The following DCC variants were observed in gnomAD, a reference collection of about 807,000 sequenced individuals.
DCC encodes netrin receptor DCC.
DCC carries 58 observed loss-of-function variants against 172.5 expected under a neutral mutation model. The ratio of observed to expected loss-of-function variants is 0.34; its 90% CI spans 0.27 to 0.42. The LOEUF is 0.42. Ranked by LOEUF, DCC falls within the 10% of genes least tolerant of loss-of-function variation. The pLI is 1.00. For synonymous variants in DCC, 709 were observed against 644.5 expected, an observed-to-expected ratio of 1.10 and a Z score of -1.52; for missense variants, 1,740 against 1,791.0, an observed-to-expected ratio of 0.97 and a Z score of 0.51.
intron 8 of DCC, among the ~76,000 whole-genome samples, chr18:53,171,202 C>A (rs1012456462): frequency 1.3e-5 from 2 of 152,032 alleles, no homozygotes; most frequent in Non-Finnish European, 2.9e-5. Flanking sequence ...TGTTTAGATG[C>A]AAACTCCCTT....
chr18:53,080,900 G>A (rs535514998), intron 7 of DCC, among the ~76,000 whole-genome samples: 8 of 152,130 alleles, frequency 5.3e-5, no homozygotes, highest in South Asian at 2.1e-4. Context: ...TAGGGTATAA[G>A]TGAGTCATTC....
chr18:52,844,192 CCTCCATAT>C (rs2038849437), intron 2 of DCC, among the ~76,000 whole-genome samples: 1 of 152,152 alleles, frequency 6.6e-6, no homozygotes, highest in African/African-American at 2.4e-5. Context: ...AACATCCTCA[CCTCCATAT>C]CTACTGTGCC....
At chr18:53,368,182 A>G (rs1332858539) in intron 15 of DCC, among the ~76,000 whole-genome samples, 2 of 152,094 alleles carry the variant, frequency 1.3e-5, no homozygotes, top group African/African-American at 4.8e-5. Flanking sequence ...TCACTTTTCT[A>G]ATAATTAGGG....
At chr18:52,421,433 A>T (rs1987244601) in intron 1 of DCC, among the ~76,000 whole-genome samples, 1 of 152,166 alleles carries the variant, frequency 6.6e-6, no homozygotes, top group African/African-American at 2.4e-5. Context: ...GAAGTCCCTT[A>T]TTCAAATGTG....
intron 1 of DCC, among the ~76,000 whole-genome samples, chr18:52,557,891 C>T (rs1211763710): frequency 1.3e-5 from 2 of 152,168 alleles, no homozygotes; most frequent in Non-Finnish European, 2.9e-5. Flanking sequence ...AACTCCTGGC[C>T]TCAAGTGATC....
chr18:53,369,445 CT>C (rs1309979063), intron 15 of DCC, among the ~76,000 whole-genome samples: 2 of 151,710 alleles, frequency 1.3e-5, no homozygotes, highest in South Asian at 2.1e-4. Flanking sequence ...AATTTTACTT[CT>C]TTTTTTTCCA....
intron 23 of DCC, 102 bp from the exon 24 acceptor site, chr18:53,459,130 C>T: frequency 3.0e-6 from 3 of 986,420 alleles, no homozygotes; most frequent in Non-Finnish European, 4.8e-6. Context: ...TCTGCGAGTC[C>T]TTTTGTTTCC....
At chr18:53,022,609 A>C (rs914390235) in intron 5 of DCC, among the ~76,000 whole-genome samples, 4 of 150,672 alleles carry the variant, frequency 2.7e-5, no homozygotes, top group African/African-American at 9.8e-5. Context: ...AGGAACTCTA[A>C]ATTTATTTAA....
At chr18:53,174,189 G>A in intron 8 of DCC, among the ~76,000 whole-genome samples, 1 of 144,652 alleles carries the variant, frequency 6.9e-6, no homozygotes. Context: ...AGTGTGTAGA[G>A]GGAAATTTAC....
chr18:52,476,897 A>G (rs1182538229), intron 1 of DCC, among the ~76,000 whole-genome samples: 1 of 152,180 alleles, frequency 6.6e-6, no homozygotes, highest in East Asian at 1.9e-4. Flanking sequence ...AAAGTGCAGT[A>G]TTAGAGGATT....
At chr18:52,888,759 A>G (rs1253574619) in intron 2 of DCC, among the ~76,000 whole-genome samples, 2 of 152,088 alleles carry the variant, frequency 1.3e-5, no homozygotes, top group African/African-American at 2.4e-5. Flanking sequence ...TTAATAGTTT[A>G]CCATATATTT....
Position 53,268,532 on chromosome 18 carries a change from G to A in DCC, c.1912-37046G>A, listed in dbSNP as rs116495102. ...TTCAATAAGCTTCTCTCAAGAATGTGTCTAATCAGGACTTCTCAGCCTTCA... is the reference window on the plus strand; with the variant it reads ...TTCAATAAGCTTCTCTCAAGAATGTATCTAATCAGGACTTCTCAGCCTTCA... On this transcript the variant is annotated intron_variant, in intron 12 of 28. Coordinates refer to ENST00000442544, the MANE Select transcript of DCC (RefSeq NM_005215.4). Among the ~76,000 whole-genome samples, 1,338 of 152,198 alleles carry A rather than the reference G, an allele frequency of 8.8e-3. 24 individuals carry two copies. The highest frequency in any genetic ancestry group is 0.031 in the African/African-American group (1,276 of 41,522).
intron 1 of DCC, among the ~76,000 whole-genome samples, chr18:52,643,418 A>G (rs889343848): frequency 6.6e-6 from 1 of 152,160 alleles, no homozygotes. Context: ...AATATTTGGG[A>G]AATATGAAGT....
At chr18:53,439,769 C>CTGTTTTTTTT (rs1555672137) in intron 22 of DCC, among the ~76,000 whole-genome samples, 11 of 127,214 alleles carry the variant, frequency 8.6e-5, no homozygotes, top group Non-Finnish European at 1.4e-4. Flanking sequence ...TAGTATTTTT[C>CTGTTTTTTTT]TTTTTTTTTT....
chr18:52,545,183 G>A (rs559844219), intron 1 of DCC, among the ~76,000 whole-genome samples: 21 of 152,308 alleles, frequency 1.4e-4, no homozygotes, highest in Admixed American at 1.3e-3. Flanking sequence ...TTGGGATTTA[G>A]TTTATCAGGA....
At chr18:52,383,174 C>A (rs1012127564) in intron 1 of DCC, among the ~76,000 whole-genome samples, 1 of 152,010 alleles carries the variant, frequency 6.6e-6, no homozygotes, top group African/African-American at 2.4e-5. Flanking sequence ...AGAGCATGAA[C>A]GTACTAAAGG....
intron 7 of DCC, among the ~76,000 whole-genome samples, chr18:53,105,408 A>T (rs1165618583): frequency 6.6e-6 from 1 of 151,996 alleles, no homozygotes; most frequent in Non-Finnish European, 1.5e-5. Context: ...TTAGTCACAG[A>T]GTGTTTAGCC....
intron 5 of DCC, among the ~76,000 whole-genome samples, chr18:52,992,416 T>G (rs182022053): frequency 6.6e-6 from 1 of 152,182 alleles, no homozygotes; most frequent in African/African-American, 2.4e-5. Context: ...GAAACCGTTT[T>G]GGGGAGATGA....
At chr18:53,083,348 G>A (rs2042833057) in intron 7 of DCC, among the ~76,000 whole-genome samples, 1 of 152,082 alleles carries the variant, frequency 6.6e-6, no homozygotes, top group African/African-American at 2.4e-5. Flanking sequence ...GATGTCTAAG[G>A]CCTCAGGTAT....
Sources: allele counts gnomAD v4.1 joint callset (sites outside exome capture counted in the v4.1 genomes callset), GRCh38; gene constraint gnomAD v4.1.1; transcripts MANE v1.5; gene names NCBI Gene and HGNC (gene_info 2026-07-23, HGNC 2026-07-21).